Variants in TNNI3K observed in about 807,000 individuals in gnomAD.
TNNI3K encodes TNNI3 interacting kinase, also known as serine/threonine-protein kinase TNNI3K.
TNNI3K carries 140 observed loss-of-function variants against 114.5 expected under a neutral mutation model. The observed-to-expected ratio is 1.22, with a 90% CI of 1.07 to 1.41. The LOEUF is 1.41. Ranked by LOEUF, TNNI3K falls within the 40% of genes most tolerant of loss-of-function variation. The pLI, the probability that TNNI3K is intolerant of heterozygous loss-of-function variation, is 0.00. For synonymous variants in TNNI3K, 347 were observed against 347.5 expected, an observed-to-expected ratio of 1.00 and a Z score of 0.02; for missense variants, 1,125 against 1,007.6, an observed-to-expected ratio of 1.12 and a Z score of -1.58.
At chr1:74,504,874 C>A (rs1347420785) in intron 23 of TNNI3K, among the ~76,000 whole-genome samples, 1 of 152,160 alleles carries the variant, frequency 6.6e-6, no homozygotes, top group African/African-American at 2.4e-5. Flanking sequence ...GAGTGCATTT[C>A]CCTCTTCAAG....
At chr1:74,484,445 A>C (rs942635021) in intron 21 of TNNI3K, among the ~76,000 whole-genome samples, 1 of 152,216 alleles carries the variant, frequency 6.6e-6, no homozygotes, top group African/African-American at 2.4e-5. Context: ...AAAGGATATA[A>C]ACAATAAACA....
At chr1:74,357,410 T>C (rs1345115929) in intron 11 of TNNI3K, among the ~76,000 whole-genome samples, 2 of 152,124 alleles carry the variant, frequency 1.3e-5, no homozygotes, top group African/African-American at 4.8e-5. Context: ...GCAGCACCCG[T>C]CTCTATCTGA....
At chr1:74,356,392 ATAAAGGTGTTCTACTTTGTAT>A (rs1397512690) in intron 11 of TNNI3K, among the ~76,000 whole-genome samples, 3 of 152,210 alleles carry the variant, frequency 2.0e-5, no homozygotes, top group African/African-American at 7.2e-5. Flanking sequence ...TCTATTAGAT[ATAAAGGTGTTCTACTTTGTAT>A]TAAAAAATCT....
chr1:74,450,523 C>T (rs1388067419), intron 20 of TNNI3K, among the ~76,000 whole-genome samples: 1 of 151,838 alleles, frequency 6.6e-6, no homozygotes, highest in Admixed American at 6.6e-5. Context: ...GGTCTAATAC[C>T]CACAATCTAC....
chr1:74,526,179 G>T (rs1485497301), intron 23 of TNNI3K, among the ~76,000 whole-genome samples: 1 of 152,188 alleles, frequency 6.6e-6, no homozygotes, highest in African/African-American at 2.4e-5. Flanking sequence ...AGACTGGCTT[G>T]TCATAAAGAA....
At chr1:74,507,223 A>ACCCC (rs36051033) in intron 23 of TNNI3K, among the ~76,000 whole-genome samples, 25 of 120,422 alleles carry the variant, frequency 2.1e-4, no homozygotes, top group Admixed American at 5.5e-4. Context: ...AAATTTCTTC[A>ACCCC]CCCCCCCCCC....
Position 74,439,532 on chromosome 1 carries a change from C to A in TNNI3K, c.1921C>A (p.Arg641=), listed in dbSNP as rs879000304. 6.2e-7 allele frequency: 1 copy of A among 1,613,428 alleles called. No homozygotes were observed. The highest frequency in any genetic ancestry group is 1.1e-5 in the South Asian group (1 of 91,058). The change falls in exon 20 of 25, where the codon CGG becomes AGG. Residue 641 remains arginine, a synonymous_variant. Transcript: ENST00000326637. ...TCCTGAGGTGTTCACGCAGTGCACTCGGTACACCATCAAAGCAGATGTCTT... is the reference window on the plus strand; with the variant it reads ...TCCTGAGGTGTTCACGCAGTGCACTAGGTACACCATCAAAGCAGATGTCTT... ...MAPEVFTQCT[R]YTIKADVFSY...
chr1:74,466,327 A>G (rs1182122323), intron 21 of TNNI3K, among the ~76,000 whole-genome samples: 2 of 152,216 alleles, frequency 1.3e-5, no homozygotes, highest in African/African-American at 4.8e-5. Context: ...AATTATAGAT[A>G]ACAGGCATGT....
At chr1:74,522,984 AG>A (rs971626514) in intron 23 of TNNI3K, among the ~76,000 whole-genome samples, 1 of 152,224 alleles carries the variant, frequency 6.6e-6, no homozygotes, top group African/African-American at 2.4e-5. Flanking sequence ...TACTAATGAG[AG>A]GGGAAACCCC....
At chr1:74,355,279 C>T (rs1303581920) in intron 11 of TNNI3K, among the ~76,000 whole-genome samples, 6 of 152,072 alleles carry the variant, frequency 3.9e-5, no homozygotes, top group African/African-American at 1.4e-4. Context: ...GATTTCCTAG[C>T]CTACCAAGTT....
chr1:74,307,199 C>T (rs1658695393), intron 5 of TNNI3K, among the ~76,000 whole-genome samples: 1 of 152,154 alleles, frequency 6.6e-6, no homozygotes. Flanking sequence ...AGCCCACAAA[C>T]CCTATAAAGC....
intron 23 of TNNI3K, among the ~76,000 whole-genome samples, chr1:74,535,894 CTG>C (rs895625306): frequency 1.4e-4 from 21 of 152,258 alleles, no homozygotes; most frequent in African/African-American, 4.8e-4. Flanking sequence ...CTGTCCAACA[CTG>C]TGCTAGAATC....
At chr1:74,480,958 C>A in intron 21 of TNNI3K, 1 of 712,620 alleles carries the variant, frequency 1.4e-6, no homozygotes, top group South Asian at 1.5e-5. Flanking sequence ...CCCTCGTGGT[C>A]ATAGGGGCTG....
At chr1:74,369,628 A>G in intron 16 of TNNI3K, 43 bp downstream of exon 16, 1 of 1,523,146 alleles carries the variant, frequency 6.6e-7, no homozygotes, top group Non-Finnish European at 8.8e-7. Context: ...CATTCCGTAG[A>G]AACTACTCTT....
intron 5 of TNNI3K, among the ~76,000 whole-genome samples, chr1:74,330,236 T>C (rs781075014): frequency 2.0e-5 from 3 of 152,014 alleles, no homozygotes; most frequent in Non-Finnish European, 4.4e-5. Flanking sequence ...GAAACAGATA[T>C]AGGAACTCTT....
intron 23 of TNNI3K, among the ~76,000 whole-genome samples, chr1:74,533,494 G>A (rs1259087464): frequency 6.6e-6 from 1 of 152,122 alleles, no homozygotes; most frequent in Non-Finnish European, 1.5e-5. Flanking sequence ...CATTGTGGAA[G>A]TCAGTGTGGT....
At chr1:74,337,461 T>C (rs934895596) in intron 7 of TNNI3K, among the ~76,000 whole-genome samples, 6 of 152,160 alleles carry the variant, frequency 3.9e-5, no homozygotes, top group African/African-American at 1.4e-4. Context: ...CTAGGTTTTC[T>C]TCTAGGGTTT....
Position 74,465,163 on chromosome 1 carries a change from G to A in TNNI3K, c.2121+1613G>A, listed in dbSNP as rs1363863492. On this transcript the variant is annotated intron_variant, in intron 21 of 24. Transcript: ENST00000326637. ...TCACTCTCGGGGCCTCCTTGGCCTC[G>A]TAGTCCACTCTGGCCACACATGAGG... Among the ~76,000 whole-genome samples, 6 of 152,146 alleles carry A rather than the reference G, an allele frequency of 3.9e-5. No individual in the cohort carries two copies. In the South Asian group the frequency reaches 8.3e-4, roughly 21 times the overall value.
At chr1:74,516,214 G>GA (rs1343816925) in intron 23 of TNNI3K, among the ~76,000 whole-genome samples, 2 of 151,940 alleles carry the variant, frequency 1.3e-5, no homozygotes, top group Non-Finnish European at 2.9e-5. Flanking sequence ...CATTAGCCAG[G>GA]AAAAAAAATT....
Sources: gnomAD v4.1 joint callset for allele counts (sites outside exome capture counted in the v4.1 genomes callset) on GRCh38, gnomAD v4.1.1 for gene constraint, MANE v1.5 for transcripts, NCBI Gene and HGNC (gene_info 2026-07-23, HGNC 2026-07-21) for gene names.